The following MTAP variants were observed in gnomAD, a reference collection of about 807,000 sequenced individuals.
The protein encoded by MTAP is S-methyl-5'-thioadenosine phosphorylase.
In MTAP, 33 loss-of-function variants were observed where a neutral mutation model predicts 33.6. The ratio of observed to expected loss-of-function variants is 0.98; its 90% CI spans 0.74 to 1.31. MTAP has a LOEUF of 1.31. MTAP is among the 40% of genes most tolerant of loss of function. The probability of loss-of-function intolerance (pLI) is 0.00; values close to 1 mark genes in which losing one functional copy is unlikely to be tolerated. For synonymous variants in MTAP, 148 were observed against 125.7 expected (o/e 1.18, Z -1.19); for missense variants, 367 against 360.0 (o/e 1.02, Z -0.16).
chr9:21,872,645 G>A (rs1825954099), intron 1 of MTAP, among the ~76,000 whole-genome samples: 1 of 152,126 alleles, frequency 6.6e-6, no homozygotes, highest in South Asian at 2.1e-4. Flanking sequence ...TCTTCCAATA[G>A]TCAAGCTAAA....
At chr9:21,858,548 G>GTACA (rs1274514209) in intron 6 of MTAP, among the ~76,000 whole-genome samples, 5 of 152,138 alleles carry the variant, frequency 3.3e-5, no homozygotes, top group African/African-American at 1.2e-4. Flanking sequence ...GAGAGGTGCT[G>GTACA]TACACTTTTA....
chr9:21,899,331 A>T (rs1395590917), intron 1 of MTAP, among the ~76,000 whole-genome samples: 2 of 148,722 alleles, frequency 1.3e-5, no homozygotes, highest in Non-Finnish European at 3.0e-5. Flanking sequence ...ATGTATACAT[A>T]TGTAACAAAC....
chr9:21,910,189 A>G (rs1818547580), intron 1 of MTAP, among the ~76,000 whole-genome samples: 2 of 152,202 alleles, frequency 1.3e-5, no homozygotes, highest in Non-Finnish European at 1.5e-5. Flanking sequence ...AAAAATATGT[A>G]TAAAACACTT....
intron 4 of MTAP, among the ~76,000 whole-genome samples, chr9:21,820,864 G>A (rs1388022918): frequency 6.6e-6 from 1 of 152,118 alleles, no homozygotes; most frequent in Non-Finnish European, 1.5e-5. Context: ...TGGATTCCTA[G>A]GTATTTTATT....
chr9:21,859,046 A>G, intron 6 of MTAP: 1 of 286,030 alleles, frequency 3.5e-6, no homozygotes, highest in Non-Finnish European at 6.4e-6. Context: ...ACACGGTGGA[A>G]GGGGCCCTCG....
chr9:21,909,403 A>G (rs901928241), intron 1 of MTAP, among the ~76,000 whole-genome samples: 3 of 152,168 alleles, frequency 2.0e-5, no homozygotes, highest in Admixed American at 6.5e-5. Flanking sequence ...TATAGTCCAT[A>G]TAGAATTAAA....
chr9:21,809,716 C>A (rs1359142568), intron 1 of MTAP, among the ~76,000 whole-genome samples: 1 of 152,120 alleles, frequency 6.6e-6, no homozygotes, highest in African/African-American at 2.4e-5. Flanking sequence ...TTTAGAACCA[C>A]CTGCGGAGCT....
chr9:21,819,815 A>G (rs1055236272), intron 4 of MTAP, among the ~76,000 whole-genome samples: 1 of 152,054 alleles, frequency 6.6e-6, no homozygotes, highest in South Asian at 2.1e-4. Context: ...GTTTCCTGAC[A>G]TTTTAATGAT....
intron 5 of MTAP, among the ~76,000 whole-genome samples, chr9:21,845,545 A>G (rs1042583760): frequency 6.6e-6 from 1 of 152,224 alleles, no homozygotes; most frequent in Non-Finnish European, 1.5e-5. Context: ...GAAACATACC[A>G]TGCTCAGGGA....
chr9:21,807,035 A>G (rs1824225014), intron 1 of MTAP, among the ~76,000 whole-genome samples: 1 of 152,130 alleles, frequency 6.6e-6, no homozygotes. Context: ...ACGGTGCTGC[A>G]CGCATGTAAT....
chr9:21,832,184 T>C (rs1199998617), intron 4 of MTAP, among the ~76,000 whole-genome samples: 1 of 152,228 alleles, frequency 6.6e-6, no homozygotes, highest in Admixed American at 6.5e-5. Flanking sequence ...AAAGTCCCGC[T>C]ATAAACACAG....
downstream of MTAP, among the ~76,000 whole-genome samples, chr9:21,871,680 G>T (rs377586127): frequency 1.5e-4 from 23 of 152,064 alleles, 1 homozygote; most frequent in African/African-American, 5.3e-4. Flanking sequence ...GCCATCCTTC[G>T]GTTTCCACCT....
chr9:21,875,845 A>G (rs1826000703), intron 1 of MTAP, among the ~76,000 whole-genome samples: 1 of 151,886 alleles, frequency 6.6e-6, no homozygotes, highest in South Asian at 2.1e-4. Context: ...GTAGTGCTGT[A>G]TGTGTCTTTA....
In MTAP at chr9:21,837,975, C is replaced by T; in HGVS notation, c.415C>T (p.Pro139Ser). Residue 139 changes from proline to serine, a missense_variant, in exon 5 of 8, where the codon CCA becomes TCA. Pro to Ser is a moderately conservative substitution (Grantham distance 74). Coordinates refer to ENST00000644715, the MANE Select transcript of MTAP (RefSeq NM_002451.4). ...HSCARGVCHI[P>S]MAEPFCPKTR... is the part of the protein sequence containing the mutation. ...TTGTGCCAGAGGAGTGTGCCATATT[C>T]CAATGGCTGAGCCGTTTTGCCCCAA... is the stretch of plus-strand genomic sequence containing the variant. 1 of 1,614,078 alleles carries T rather than the reference C, an allele frequency of 6.2e-7. No individual in the cohort carries two copies. Among genetic ancestry groups the T allele is most frequent in the Non-Finnish European group, 8.5e-7 (1 of 1,179,972 alleles).
chr9:21,869,973 GTCCTCT>G (rs1825912465), downstream of MTAP, among the ~76,000 whole-genome samples: 1 of 152,026 alleles, frequency 6.6e-6, no homozygotes, highest in Non-Finnish European at 1.5e-5. Flanking sequence ...TCTCACTACT[GTCCTCT>G]TGCTCACTCT....
At chr9:21,814,781 A>G (rs770723463) in intron 1 of MTAP, among the ~76,000 whole-genome samples, 4 of 152,336 alleles carry the variant, frequency 2.6e-5, no homozygotes, top group South Asian at 2.1e-4. Flanking sequence ...TGAGTATGCT[A>G]TATGTATATT....
At chr9:21,829,125 C>A (rs568373419) in intron 4 of MTAP, among the ~76,000 whole-genome samples, 1 of 152,174 alleles carries the variant, frequency 6.6e-6, no homozygotes, top group Non-Finnish European at 1.5e-5. Flanking sequence ...AGACGGGCAT[C>A]TCCTACCTCC....
In MTAP at chr9:21,881,274, A is replaced by C. The variant is rs373658102; in HGVS notation, c.147+26404A>C. Among the ~76,000 whole-genome samples, 54 of 152,232 alleles carry C rather than the reference A, an allele frequency of 3.5e-4. 2 individuals are homozygous for C. The South Asian group carries it at 0.01, about 29-fold the overall frequency. On this transcript the variant is annotated intron_variant, in intron 1 of 1. Transcript: ENST00000577563. ...TTAACTCAAAATGGATTAATAACTT[A>C]AACACAAGACCAACAACCATGAAAG...
At chr9:21,827,345 A>G (rs1158604067) in intron 4 of MTAP, among the ~76,000 whole-genome samples, 1 of 152,140 alleles carries the variant, frequency 6.6e-6, no homozygotes, top group East Asian at 1.9e-4. Flanking sequence ...AGCTTCTGCT[A>G]TGGGAGAGAG....
Sources: allele counts gnomAD v4.1 joint callset (sites outside exome capture counted in the v4.1 genomes callset), GRCh38; gene constraint gnomAD v4.1.1; transcripts MANE v1.5; gene names NCBI Gene and HGNC (gene_info 2026-07-23, HGNC 2026-07-21).